The following PID1 variants were observed in gnomAD, a reference collection of about 807,000 sequenced individuals.
The protein encoded by PID1 is PTB-containing, cubilin and LRP1-interacting protein.
In PID1, 10 loss-of-function variants were observed where a neutral mutation model predicts 19.1. The observed-to-expected ratio is 0.52, with a 90% CI of 0.32 to 0.89. PID1 has a LOEUF of 0.89. PID1 is among the 40% of genes least tolerant of loss of function. The pLI, the probability that PID1 is intolerant of heterozygous loss-of-function variation, is 0.03. For synonymous variants in PID1, 130 were observed against 116.0 expected (o/e 1.12, Z -0.78); for missense variants, 248 against 285.3 (o/e 0.87, Z 0.94).
intron 2 of PID1, among the ~76,000 whole-genome samples, chr2:229,063,459 A>C (rs915175359): frequency 4.6e-5 from 7 of 152,084 alleles, no homozygotes; most frequent in Non-Finnish European, 1.5e-5. Context: ...GTTGATTTCC[A>C]GTTTCATTCC....
chr2:229,078,368 T>A (rs1180562577), intron 2 of PID1, among the ~76,000 whole-genome samples: 1 of 152,208 alleles, frequency 6.6e-6, no homozygotes, highest in Non-Finnish European at 1.5e-5. Flanking sequence ...CTTCTTCTCT[T>A]CCTATTTGAA....
chr2:229,028,521 G>A (rs1222777701), intron 2 of PID1, among the ~76,000 whole-genome samples: 2 of 152,280 alleles, frequency 1.3e-5, no homozygotes, highest in South Asian at 2.1e-4. Context: ...ATATTTGCAA[G>A]TCATATATGT....
rs115070587 is a variant in PID1, at chr2:229,190,820, C to T, written c.31-34856G>A. On this transcript the variant is annotated intron_variant, in intron 1 of 2. Coordinates refer to ENST00000392055, the MANE Select transcript of PID1 (RefSeq NM_001100818.2). Reference sequence around the variant, plus strand: ...TGGGCTGGGTTATTTACAAGCCTCTCACTTCCCAAGGAGATCCACTGGTAC... The same window carrying T: ...TGGGCTGGGTTATTTACAAGCCTCTTACTTCCCAAGGAGATCCACTGGTAC... 1.7e-3 allele frequency among the ~76,000 whole-genome samples: 259 copies of T among 152,226 alleles called. 1 individual carries two copies. The highest frequency in any genetic ancestry group is 3.9e-3 in the Admixed American group (60 of 15,290).
intron 2 of PID1, among the ~76,000 whole-genome samples, chr2:229,140,129 A>C (rs1689981596): frequency 6.6e-6 from 1 of 152,122 alleles, no homozygotes; most frequent in Non-Finnish European, 1.5e-5. Context: ...ACATAATAGA[A>C]TCACCTAGGT....
At chr2:229,031,489 C>A (rs370320904) in intron 2 of PID1, among the ~76,000 whole-genome samples, 1 of 151,558 alleles carries the variant, frequency 6.6e-6, no homozygotes, top group African/African-American at 2.4e-5. Flanking sequence ...CTGAAGGAGG[C>A]GGAGGTTGCA....
At chr2:229,176,939 A>G (rs921332073) in intron 1 of PID1, among the ~76,000 whole-genome samples, 2 of 152,230 alleles carry the variant, frequency 1.3e-5, no homozygotes, top group African/African-American at 4.8e-5. Flanking sequence ...GCTGATAGAC[A>G]TACCCAAGAC....
intron 2 of PID1, among the ~76,000 whole-genome samples, chr2:229,130,308 C>T (rs1689704101): frequency 6.6e-6 from 1 of 152,248 alleles, no homozygotes; most frequent in Admixed American, 6.5e-5. Flanking sequence ...CACTGCAGAA[C>T]GTGCAAGTCC....
At chr2:229,113,996 T>C (rs1252939891) in intron 2 of PID1, among the ~76,000 whole-genome samples, 1 of 152,128 alleles carries the variant, frequency 6.6e-6, no homozygotes, top group East Asian at 1.9e-4. Context: ...AAGGCCTTAA[T>C]AGAAAAAGGC....
At chr2:229,230,348 C>T (rs1420097275) in intron 1 of PID1, among the ~76,000 whole-genome samples, 1 of 152,174 alleles carries the variant, frequency 6.6e-6, no homozygotes, top group Non-Finnish European at 1.5e-5. Context: ...GAATAATAAA[C>T]TTTGGTCAGT....
At chr2:229,181,446 T>C (rs2106219097) in intron 1 of PID1, among the ~76,000 whole-genome samples, 1 of 151,822 alleles carries the variant, frequency 6.6e-6, no homozygotes, top group Non-Finnish European at 1.5e-5. Context: ...GGCTATGAGA[T>C]GTCAACGAGA....
intron 1 of PID1, among the ~76,000 whole-genome samples, chr2:229,178,657 C>T (rs1023602842): frequency 2.0e-5 from 3 of 151,946 alleles, no homozygotes; most frequent in African/African-American, 7.3e-5. Context: ...CTAATTATAT[C>T]CAATTAAATA....
intron 1 of PID1, among the ~76,000 whole-genome samples, chr2:229,243,415 T>C (rs1471804623): frequency 4.6e-5 from 7 of 152,032 alleles, no homozygotes; most frequent in Non-Finnish European, 1.0e-4. Flanking sequence ...TAGGGCAAGG[T>C]TTATAATTCC....
chr2:229,220,089 G>A (rs754819555), intron 1 of PID1, among the ~76,000 whole-genome samples: 3 of 150,412 alleles, frequency 2.0e-5, no homozygotes, highest in Non-Finnish European at 3.0e-5. Flanking sequence ...TCACAGCTGC[G>A]GCTCACTGCA....
At chr2:229,170,721 T>C (rs1478956633) in intron 1 of PID1, among the ~76,000 whole-genome samples, 2 of 152,206 alleles carry the variant, frequency 1.3e-5, no homozygotes, top group Admixed American at 6.5e-5. Flanking sequence ...ACAGATCAAG[T>C]AGACGCCTCT....
At chr2:229,150,842 T>C (rs1377088155) in intron 2 of PID1, among the ~76,000 whole-genome samples, 1 of 149,928 alleles carries the variant, frequency 6.7e-6, no homozygotes, top group Non-Finnish European at 1.5e-5. Context: ...TGATTTTTCA[T>C]TGTAGAGTGC....
At chr2:229,234,666 G>T (rs147138427) in intron 1 of PID1, among the ~76,000 whole-genome samples, 7 of 152,292 alleles carry the variant, frequency 4.6e-5, no homozygotes, top group African/African-American at 1.7e-4. Context: ...TGTATGGAAT[G>T]TTCTCAAATT....
At position 229,155,910 on chromosome 2, in the gene PID1, G is replaced by C; in HGVS notation, c.85C>G (p.Pro29Ala). ...TCATGGAAGATGACCGCTGGGAGAG[G>C]TTCCTTTTTCAGTGTTAAGACATTC... is the stretch of plus-strand genomic sequence containing the variant. ...KLNVLTLKKE[P>A]LPAVIFHEPE... The change falls in exon 2 of 3, where the codon CCT becomes GCT. Residue 29 changes from proline to alanine, a missense_variant. Transcript: ENST00000392055. 6.2e-7 allele frequency: 1 copy of C among 1,613,948 alleles called. No homozygotes were observed. Among genetic ancestry groups the C allele is most frequent in the South Asian group, 1.1e-5 (1 of 91,068 alleles).
chr2:229,061,981 G>T (rs1553557918), intron 2 of PID1, among the ~76,000 whole-genome samples: 2 of 151,650 alleles, frequency 1.3e-5, no homozygotes, highest in Non-Finnish European at 1.5e-5. Flanking sequence ...AGTTGTAACA[G>T]TTTTTTTTGG....
chr2:229,232,089 A>C, intron 1 of PID1: 2 of 1,500,608 alleles, frequency 1.3e-6, no homozygotes, highest in Non-Finnish European at 1.8e-6. Flanking sequence ...TTTTCATTCC[A>C]TTCAAGAGGG....
Sources: allele counts gnomAD v4.1 joint callset (sites outside exome capture counted in the v4.1 genomes callset), GRCh38; gene constraint gnomAD v4.1.1; transcripts MANE v1.5; gene names NCBI Gene and HGNC (gene_info 2026-07-23, HGNC 2026-07-21).